Variants in ANKMY1 observed in about 807,000 individuals in gnomAD.
ANKMY1 encodes ankyrin repeat and MYND domain-containing protein 1.
ANKMY1 carries 98 observed loss-of-function variants against 102.0 expected under a neutral mutation model. That is an observed-to-expected ratio of 0.96 (90% CI 0.82 to 1.14). The LOEUF (loss-of-function observed/expected upper bound fraction) is 1.14, where lower values mean the gene tolerates loss of function less well. Among genes scored for constraint, ANKMY1 ranks in the 50% most tolerant of loss-of-function variants. The pLI is 0.00. For synonymous variants in ANKMY1, 582 were observed against 559.9 expected (o/e 1.04, Z -0.56); for missense variants, 1,330 against 1,347.6 (o/e 0.99, Z 0.20).
rs2081882381 is a variant in ANKMY1 at position 240,520,010 on chromosome 2, T to TGCTGA, written c.2004+347_2004+351dup. ...GCCTCTCCTGCCTGCGTCCTTGTGA[T>TGCTGA]GCTGAGCGTGGGTTGAAAGGAGGCC... On this transcript the variant is annotated intron_variant, in intron 9 of 17. Coordinates refer to ENST00000401804, the MANE Select transcript of ANKMY1 (RefSeq NM_001282771.3). This position sits in a 1 kb window ranked among gnomAD's most constrained non-coding sequence, Gnocchi z 4.8. The TGCTGA allele has an allele frequency of 2.0e-6, 1 of 507,352 alleles. No individual in the cohort carries two copies. 31.4% of individuals were successfully genotyped at this position (507,352 alleles called of 1,614,324 possible).
In ANKMY1 at chr2:240,499,383, T is replaced by C. The variant is rs1296814255; in HGVS notation, c.2806+575A>G. On this transcript the variant is annotated intron_variant, in intron 15 of 17. Coordinates refer to ENST00000401804, the MANE Select transcript of ANKMY1 (RefSeq NM_001282771.3). The surrounding 1 kb of genome is among the most constrained non-coding windows in gnomAD (Gnocchi z 4.2). ...GAGTAGGTGGGTGGGGATGTGGGGG[T>C]AGGGAGTGACTATGTGGGGGTGGGG... Among the ~76,000 whole-genome samples, 1 of 20,046 alleles carries C rather than the reference T, an allele frequency of 5.0e-5. No homozygotes were observed. The allele number at this position is 20,046 out of a possible 152,430, so 13.2% of individuals were successfully genotyped here.
intron 12 of ANKMY1, among the ~76,000 whole-genome samples, chr2:240,508,410 C>T (rs1181261535): frequency 6.6e-6 from 1 of 152,234 alleles, no homozygotes; most frequent in African/African-American, 2.4e-5. Context: ...CTGGCCTCTG[C>T]AGAAGCACCT....
chr2:240,475,681 C>A (rs1218463923), downstream of ANKMY1, among the ~76,000 whole-genome samples: 7 of 151,802 alleles, frequency 4.6e-5, no homozygotes, highest in African/African-American at 1.7e-4. Context: ...CATAAAAACA[C>A]AACTAATTTT....
At chr2:240,555,334 C>T (rs1300237355) in intron 2 of ANKMY1, 2 of 451,526 alleles carry the variant, frequency 4.4e-6, no homozygotes, top group East Asian at 7.2e-5. Context: ...CCTGTCCAGC[C>T]CGGGCCTGCT....
upstream of ANKMY1, chr2:240,560,883 C>A (rs1164170157): frequency 2.0e-6 from 3 of 1,505,350 alleles, no homozygotes; most frequent in Non-Finnish European, 2.6e-6. Flanking sequence ...GGCAGAGCTG[C>A]GCGTGCCCGT....
chr2:240,482,043 T>C, intron 16 of ANKMY1, 140 bp downstream of exon 16: 1 of 874,800 alleles, frequency 1.1e-6, no homozygotes, highest in Non-Finnish European at 1.8e-6. Flanking sequence ...CAAGCAGGAC[T>C]TCCTAGAGGA....
chr2:240,526,260 G>C lies in ANKMY1; in HGVS notation c.1139C>G (p.Ala380Gly). 2.5e-6 allele frequency: 4 copies of C among 1,614,150 alleles called. No individual in the cohort carries two copies. The highest frequency in any genetic ancestry group is 3.4e-6 in the Non-Finnish European group (4 of 1,180,034). ...CGCAGCAAGCACAGTGTAGCCCTTT[G>C]CGTCCGCCACGTCAGCACTAGCAAA... ...DNFASADVAD[A>G]KGYTVLAAAA... The change falls in exon 6 of 18, where the codon GCA (alanine) becomes GGA (glycine). Residue 380 changes from alanine (A) to glycine (G), a missense_variant. Ala to Gly is a moderately conservative substitution (Grantham distance 60). Transcript: ENST00000401804.
rs1575017169 is a variant in ANKMY1 at position 240,506,452 on chromosome 2, T to C, written c.2526+1108A>G. ...CTGACTTCTGCGTCCTCACTTAGTC[T>C]ATCCAGACAGAACAGGGTCTTAGGA... On this transcript the variant is annotated intron_variant, in intron 13 of 17. Transcript: ENST00000401804. This position sits in a 1 kb window ranked among gnomAD's most constrained non-coding sequence, Gnocchi z 4.9. Among the ~76,000 whole-genome samples, 2 of 152,304 alleles carry C rather than the reference T, an allele frequency of 1.3e-5. No homozygotes were observed. Among genetic ancestry groups the C allele is most frequent in the South Asian group, 4.1e-4 (2 of 4,828 alleles).
chr2:240,507,205 G>A (rs2079222583), intron 13 of ANKMY1, among the ~76,000 whole-genome samples: 1 of 152,032 alleles, frequency 6.6e-6, no homozygotes, highest in Admixed American at 6.5e-5. Context: ...GACCACCAAG[G>A]CTTGGAGAAC....
downstream of ANKMY1, among the ~76,000 whole-genome samples, chr2:240,475,562 G>A (rs1040089893): frequency 1.3e-5 from 2 of 151,748 alleles, no homozygotes; most frequent in Non-Finnish European, 2.9e-5. Flanking sequence ...AAATTTAAGG[G>A]AGGTAAAGGA....
At position 240,512,814 on chromosome 2, in the gene ANKMY1, G is replaced by T. The variant is rs781589606; in HGVS notation, c.2133C>A (p.Tyr711Ter). The change falls in exon 10 of 18, where the codon TAC (tyrosine) becomes TAA (stop). Residue 711 changes from tyrosine to a stop codon, truncating the protein, a stop_gained. Transcript: ENST00000401804. LOFTEE classifies it high-confidence loss of function. ...DAKASDEDDT[Y>*]KPGKLDLLPS... Reference sequence around the variant, plus strand: ...GCGAGGTACACACCTTGCCGGGCTTGTAAGTGTCGTCCTCGTCGGATGCCT... The same window carrying T: ...GCGAGGTACACACCTTGCCGGGCTTTTAAGTGTCGTCCTCGTCGGATGCCT... 2.6e-5 allele frequency: 42 copies of T among 1,613,798 alleles called. No homozygotes were observed. In the East Asian group the frequency reaches 8.7e-4, roughly 33 times the overall value.
chr2:240,526,882 C>T (rs2083565567), intron 5 of ANKMY1: 5 of 1,146,398 alleles, frequency 4.4e-6, no homozygotes, highest in Non-Finnish European at 5.4e-6. Context: ...CATGCATTAT[C>T]TCATGGCTTA....
intron 11 of ANKMY1, among the ~76,000 whole-genome samples, chr2:240,510,604 C>T (rs1473565194): frequency 1.3e-5 from 2 of 152,136 alleles, no homozygotes; most frequent in East Asian, 3.9e-4. Flanking sequence ...GTCTGGCTGG[C>T]CCAACCACCA....
rs200827415 is a variant in ANKMY1, at chr2:240,529,120, C to A, written c.870G>T (p.Pro290=). 1 of 1,614,028 alleles carries A rather than the reference C, an allele frequency of 6.2e-7. No homozygotes were observed. Among genetic ancestry groups the A allele is most frequent in the Non-Finnish European group, 8.5e-7 (1 of 1,180,030 alleles). The part of the protein sequence containing the change: ...DARIFLNEIP[P]FVEDGEPWFI... Reference sequence around the variant, plus strand: ...ACCATGGTTCTCCATCCTCAACGAACGGAGGAATTTCATTGAGGAAGATGC... The same window carrying A: ...ACCATGGTTCTCCATCCTCAACGAAAGGAGGAATTTCATTGAGGAAGATGC... The change falls in exon 5 of 18, where the codon CCG becomes CCT. Residue 290 remains proline, a synonymous_variant. Coordinates refer to ENST00000401804, the MANE Select transcript of ANKMY1 (RefSeq NM_001282771.3). The surrounding 1 kb of genome is among the most constrained non-coding windows in gnomAD (Gnocchi z 4.2).
At chr2:240,490,632 T>G (rs5004380) in intron 15 of ANKMY1, among the ~76,000 whole-genome samples, 10,974 of 152,204 alleles carry the variant, frequency 0.072, 487 homozygotes, top group South Asian at 0.15. Context: ...TGCATTTGTA[T>G]AGTTTACAGA....
intron 4 of ANKMY1, among the ~76,000 whole-genome samples, chr2:240,531,301 G>A (rs750656539): frequency 3.1e-4 from 47 of 152,138 alleles, no homozygotes; most frequent in African/African-American, 4.3e-4. Context: ...AATGCAAAAC[G>A]GCACAGTCGC....
At chr2:240,471,260 CT>C in the ANKMY1 span, among the ~76,000 whole-genome samples, 293 of 136,104 alleles carry the variant, frequency 2.2e-3, 1 homozygote, top group East Asian at 4.5e-3. Flanking sequence ...AACTCAAATT[CT>C]TTTTTTTTTT....
chr2:240,526,047 A>T lies in ANKMY1; in HGVS notation c.1170+182T>A, dbSNP rs545036928. On this transcript the variant is annotated intron_variant, in intron 6 of 17. Transcript: ENST00000401804. ...TCTGCCCCAAACCCTTCTGCACTGG[A>T]CCACGAGTGTCACACTCAGCTGAGT... The T allele has an allele frequency of 2.7e-4, 257 of 961,142 alleles. 1 individual carries two copies. The Admixed American group carries it at 5.8e-3, about 22-fold the overall frequency. 59.5% of individuals were successfully genotyped at this position (961,142 alleles called of 1,614,324 possible).
intron 5 of ANKMY1, chr2:240,526,801 A>G (rs1234255520): frequency 8.3e-7 from 1 of 1,206,968 alleles, no homozygotes; most frequent in Non-Finnish European, 1.0e-6. Context: ...ACCAACATAC[A>G]TGTGGTTCCA....
Sources: gnomAD v4.1 joint callset for allele counts (sites outside exome capture counted in the v4.1 genomes callset) on GRCh38, gnomAD v4.1.1 for gene constraint, Gnocchi (gnomAD v3.1) non-coding constraint, MANE v1.5 for transcripts, NCBI Gene and HGNC (gene_info 2026-07-23, HGNC 2026-07-21) for gene names.